Variants in ELMO1 observed in about 807,000 individuals in gnomAD.
The protein encoded by ELMO1 is engulfment and cell motility 1.
ELMO1 carries 26 observed loss-of-function variants against 98.9 expected under a neutral mutation model. That is an observed-to-expected ratio of 0.26 (90% CI 0.19 to 0.36). The LOEUF (loss-of-function observed/expected upper bound fraction) is 0.36, where lower values mean the gene tolerates loss of function less well. Ranked by LOEUF, ELMO1 falls within the 10% of genes least tolerant of loss-of-function variation. The pLI, the probability that ELMO1 is intolerant of heterozygous loss-of-function variation, is 1.00. For synonymous variants in ELMO1, 346 were observed against 346.0 expected, an observed-to-expected ratio of 1.00 and a Z score of 0.00; for missense variants, 627 against 935.2, an observed-to-expected ratio of 0.67 and a Z score of 4.30.
intron 16 of ELMO1, among the ~76,000 whole-genome samples, chr7:36,899,684 C>CTTTTTTTTTTTTTTTTT (rs10522661): frequency 0.075 from 4,779 of 63,462 alleles, 1,636 homozygotes; most frequent in Non-Finnish European, 0.11. Context: ...CTTTACTCAT[C>CTTTTTTTTTTTTTTTTT]TTTTTTTTTT....
chr7:37,121,468 C>G (rs1275527023), intron 14 of ELMO1, among the ~76,000 whole-genome samples: 6 of 152,078 alleles, frequency 3.9e-5, no homozygotes, highest in Non-Finnish European at 8.8e-5. Context: ...ATGAGAACCA[C>G]ATGATAAATG....
intron 13 of ELMO1, among the ~76,000 whole-genome samples, chr7:37,167,417 C>G (rs925426438): frequency 3.3e-5 from 5 of 151,882 alleles, no homozygotes; most frequent in Non-Finnish European, 7.4e-5. Flanking sequence ...TTAGTTGATG[C>G]AGTTTCTTCC....
At chr7:37,073,636 G>A (rs113446329) in intron 15 of ELMO1, among the ~76,000 whole-genome samples, 14 of 150,718 alleles carry the variant, frequency 9.3e-5, no homozygotes, top group Admixed American at 2.0e-4. Flanking sequence ...TTGCTCTGTC[G>A]TCCAGGCTAG....
intron 7 of ELMO1, among the ~76,000 whole-genome samples, chr7:37,236,159 AGTCAATC>A (rs1382352645): frequency 6.6e-6 from 1 of 152,242 alleles, no homozygotes; most frequent in Non-Finnish European, 1.5e-5. Context: ...CATCTGGTAC[AGTCAATC>A]GTCCCAAAAC....
intron 4 of ELMO1, among the ~76,000 whole-genome samples, chr7:37,289,667 T>C (rs757928950): frequency 1.1e-4 from 16 of 152,352 alleles, no homozygotes; most frequent in South Asian, 2.1e-4. Flanking sequence ...AAATGGGATC[T>C]GGACTGACAG....
chr7:37,147,864 G>A (rs560996899), intron 13 of ELMO1, among the ~76,000 whole-genome samples: 38 of 151,138 alleles, frequency 2.5e-4, no homozygotes, highest in African/African-American at 9.0e-4. Context: ...ATTTAGCCCA[G>A]GAAATAAAAA....
chr7:37,231,332 C>CAAA (rs35802499), intron 8 of ELMO1, among the ~76,000 whole-genome samples: 1 of 144,594 alleles, frequency 6.9e-6, no homozygotes, highest in African/African-American at 2.6e-5. Flanking sequence ...TGATTAATTT[C>CAAA]AAAAAAAAAA....
At chr7:37,446,442 G>T (rs1017589056) in intron 1 of ELMO1, among the ~76,000 whole-genome samples, 2 of 152,134 alleles carry the variant, frequency 1.3e-5, no homozygotes, top group African/African-American at 2.4e-5. Context: ...GCCAGGGAAG[G>T]CCCCCTATAA....
At chr7:36,953,015 C>T (rs1021772389) in intron 16 of ELMO1, among the ~76,000 whole-genome samples, 1 of 147,822 alleles carries the variant, frequency 6.8e-6, no homozygotes, top group African/African-American at 2.5e-5. Flanking sequence ...TCTGTCGCCC[C>T]AGCTAAAGTA....
chr7:37,366,880 G>A (rs1022160247), intron 1 of ELMO1, among the ~76,000 whole-genome samples: 4 of 152,200 alleles, frequency 2.6e-5, no homozygotes, highest in Admixed American at 6.5e-5. Flanking sequence ...CCCAGGATGC[G>A]TTCTTATTCC....
intron 2 of ELMO1, among the ~76,000 whole-genome samples, chr7:37,337,371 T>C (rs1800471395): frequency 6.6e-6 from 1 of 151,858 alleles, no homozygotes; most frequent in African/African-American, 2.4e-5. Context: ...CACCGGGGCC[T>C]CTTGTGGGGT....
intron 4 of ELMO1, among the ~76,000 whole-genome samples, chr7:37,272,546 G>A (rs1323106287): frequency 6.6e-6 from 1 of 152,120 alleles, no homozygotes; most frequent in Non-Finnish European, 1.5e-5. Context: ...ATAGTGGCAG[G>A]CGCCTGTAAT....
chr7:36,969,585 T>C (rs561430902), intron 16 of ELMO1, among the ~76,000 whole-genome samples: 3 of 152,296 alleles, frequency 2.0e-5, no homozygotes, highest in East Asian at 1.9e-4. Context: ...TCAGAATTGA[T>C]TGAGGAAGCT....
chr7:36,960,578 G>A (rs186313731), intron 16 of ELMO1, among the ~76,000 whole-genome samples: 71 of 152,078 alleles, frequency 4.7e-4, no homozygotes, highest in Non-Finnish European at 9.3e-4. Flanking sequence ...CAGCAAGCAT[G>A]ACTGAAGAAG....
intron 1 of ELMO1, among the ~76,000 whole-genome samples, chr7:37,431,864 TTTTG>T (rs767247346): frequency 7.6e-4 from 116 of 152,062 alleles, no homozygotes; most frequent in East Asian, 3.9e-3. Flanking sequence ...GAAGTTTGTT[TTTTG>T]TTTGTTTGTT....
At chr7:36,974,954 A>C (rs760104518) in intron 16 of ELMO1, among the ~76,000 whole-genome samples, 170 of 152,134 alleles carry the variant, frequency 1.1e-3, no homozygotes, top group Non-Finnish European at 1.8e-3. Context: ...GAGACCATGA[A>C]CCCACCAGAA....
At chr7:37,195,931 G>GA (rs1346454373) in intron 13 of ELMO1, among the ~76,000 whole-genome samples, 13 of 152,178 alleles carry the variant, frequency 8.5e-5, no homozygotes, top group Admixed American at 3.9e-4. Context: ...GGGATGGAGA[G>GA]AACCAAATTC....
intron 18 of ELMO1, among the ~76,000 whole-genome samples, chr7:36,879,337 G>A (rs1452774602): frequency 1.3e-5 from 2 of 152,214 alleles, no homozygotes; most frequent in Non-Finnish European, 2.9e-5. Context: ...AAGGCATGAG[G>A]TGTCAGTCAC....
chr7:36,903,066 C>A (rs1037568385), intron 16 of ELMO1, among the ~76,000 whole-genome samples: 3 of 152,212 alleles, frequency 2.0e-5, no homozygotes, highest in African/African-American at 7.2e-5. Flanking sequence ...TGAAGGCCAG[C>A]CTCTCCAATG....
Sources: gnomAD v4.1 joint callset for allele counts (sites outside exome capture counted in the v4.1 genomes callset) on GRCh38, gnomAD v4.1.1 for gene constraint, MANE v1.5 for transcripts, NCBI Gene and HGNC (gene_info 2026-07-23, HGNC 2026-07-21) for gene names.